The following ZC3H12B variants were observed in gnomAD, a reference collection of about 807,000 sequenced individuals.
ZC3H12B encodes zinc finger CCCH-type containing 12B.
Under a neutral mutation model 43.9 loss-of-function variants are expected in ZC3H12B, and 7 were observed. That is an observed-to-expected ratio of 0.16 (90% confidence interval 0.09 to 0.30). The LOEUF (loss-of-function observed/expected upper bound fraction) is 0.30. Ranked by LOEUF, ZC3H12B falls within the 10% of genes least tolerant of loss-of-function variation. ZC3H12B has a pLI of 1.00. For missense variants in ZC3H12B, 475 were observed against 670.2 expected (o/e 0.71, Z 3.22); for synonymous variants, 222 against 241.7 (o/e 0.92, Z 0.76).
the ZC3H12B span, among the ~76,000 whole-genome samples, chrX:65,100,768 A>T: frequency 9.1e-6 from 1 of 109,817 alleles, no homozygotes. Flanking sequence ...ATAGAGACCT[A>T]CAAAGAGACT....
the ZC3H12B span, among the ~76,000 whole-genome samples, chrX:65,075,621 T>C: frequency 8.9e-6 from 1 of 111,784 alleles, no homozygotes; most frequent in Non-Finnish European, 1.9e-5. Context: ...AGCTGAGAAT[T>C]GGGAGTTTTC....
At chrX:65,088,167 A>T in the ZC3H12B span, among the ~76,000 whole-genome samples, 1 of 111,845 alleles carries the variant, frequency 8.9e-6, no homozygotes, top group Non-Finnish European at 1.9e-5. Context: ...TAAAATTAAC[A>T]TTCATAAAAT....
chrX:65,276,404 G>C, the ZC3H12B span, among the ~76,000 whole-genome samples: 1 of 111,097 alleles, frequency 9.0e-6, no homozygotes, highest in Non-Finnish European at 1.9e-5. Context: ...GAGTCAAATT[G>C]TCAAACATTA....
chrX:65,310,716 T>G, the ZC3H12B span, among the ~76,000 whole-genome samples: 4 of 111,816 alleles, frequency 3.6e-5, no homozygotes, highest in African/African-American at 6.5e-5. Flanking sequence ...AGAACAAAGC[T>G]GGAGGCATCA....
chrX:65,453,104 T>C (rs753109704), intron 3 of ZC3H12B, among the ~76,000 whole-genome samples: 1 of 107,877 alleles, frequency 9.3e-6, no homozygotes, highest in South Asian at 4.1e-4. Context: ...CTTCAAATTA[T>C]ACCATAAGGC....
chrX:65,300,451 A>T, the ZC3H12B span, among the ~76,000 whole-genome samples: 1 of 111,324 alleles, frequency 9.0e-6, no homozygotes, highest in Non-Finnish European at 1.9e-5. Flanking sequence ...CCTTCTGGGA[A>T]TGCAATTTCA....
At chrX:65,181,313 C>T in the ZC3H12B span, among the ~76,000 whole-genome samples, 1 of 111,202 alleles carries the variant, frequency 9.0e-6, no homozygotes, top group Non-Finnish European at 1.9e-5. Context: ...AGAAGAAAAC[C>T]TAGGCAATAC....
At chrX:65,482,151 G>T (rs1172390562) in intron 3 of ZC3H12B, among the ~76,000 whole-genome samples, 1 of 111,831 alleles carries the variant, frequency 8.9e-6, no homozygotes, top group Non-Finnish European at 1.9e-5. Context: ...AGATGCTCAA[G>T]ATATATTTAT....
the ZC3H12B span, among the ~76,000 whole-genome samples, chrX:65,233,540 A>C: frequency 1.4e-4 from 16 of 110,602 alleles, no homozygotes; most frequent in Admixed American, 1.2e-3. Context: ...TTAAAAAAAA[A>C]AAAATCAACA....
the ZC3H12B span, among the ~76,000 whole-genome samples, chrX:65,162,170 C>G: frequency 9.0e-6 from 1 of 111,071 alleles, no homozygotes; most frequent in Non-Finnish European, 1.9e-5. Context: ...TTGTGGGTAA[C>G]CTGACCTTTC....
intron 3 of ZC3H12B, among the ~76,000 whole-genome samples, chrX:65,420,423 C>A (rs1187087359): frequency 8.9e-6 from 1 of 112,374 alleles, no homozygotes. Context: ...TAGAACCTAC[C>A]AGATAGTCCA....
chrX:65,501,239 C>CTTTT (rs770490342), intron 4 of ZC3H12B, among the ~76,000 whole-genome samples: 21 of 63,340 alleles, frequency 3.3e-4, no homozygotes, highest in Admixed American at 5.7e-4. Flanking sequence ...TCAGCTTTAG[C>CTTTT]TTTTTTTTTT....
At chrX:65,497,263 C>T (rs764300233) in exon 2 of ZC3H12B, 3 of 1,205,281 alleles carry the variant, frequency 2.5e-6, no homozygotes, top group Non-Finnish European at 3.4e-6. Flanking sequence ...CCTGATGCAC[C>T]AATTACAGGT....
the ZC3H12B span, among the ~76,000 whole-genome samples, chrX:65,191,927 T>C: frequency 9.6e-6 from 1 of 104,470 alleles, no homozygotes; most frequent in Non-Finnish European, 2.0e-5. Flanking sequence ...TGCTTTCTCT[T>C]GTGGGCATTT....
the ZC3H12B span, among the ~76,000 whole-genome samples, chrX:65,199,132 A>G: frequency 4.7e-5 from 5 of 106,767 alleles, no homozygotes; most frequent in East Asian, 1.5e-3. Flanking sequence ...TTAAAAGGCT[A>G]TTTTCTAGAT....
chrX:65,107,296 A>G, the ZC3H12B span, among the ~76,000 whole-genome samples: 2 of 111,072 alleles, frequency 1.8e-5, no homozygotes, highest in South Asian at 7.7e-4. Context: ...GGCAGAGAAT[A>G]AAAGGAAAAA....
At chrX:65,217,732 A>C in the ZC3H12B span, among the ~76,000 whole-genome samples, 1 of 112,175 alleles carries the variant, frequency 8.9e-6, no homozygotes, top group African/African-American at 3.2e-5. Context: ...GAGCTGTAAG[A>C]TGGGCTGTAT....
the ZC3H12B span, among the ~76,000 whole-genome samples, chrX:65,291,864 C>G: frequency 8.9e-6 from 1 of 111,812 alleles, no homozygotes; most frequent in East Asian, 2.8e-4. Flanking sequence ...ATTAAAAGAA[C>G]ATTACCTGCG....
At chrX:65,372,717 G>A (rs1399654961) in intron 2 of ZC3H12B, among the ~76,000 whole-genome samples, 1 of 111,850 alleles carries the variant, frequency 8.9e-6, no homozygotes, top group Non-Finnish European at 1.9e-5. Context: ...GAGAGGTAAG[G>A]ATTGTTATCC....
Sources: allele counts gnomAD v4.1 joint callset (sites outside exome capture counted in the v4.1 genomes callset), GRCh38; gene constraint gnomAD v4.1.1; transcripts MANE v1.5; gene names NCBI Gene and HGNC (gene_info 2026-07-23, HGNC 2026-07-21).